Variants in WASHC2C observed in about 807,000 individuals in gnomAD.
WASHC2C encodes Vaccinia Penetration Factor.
Under a neutral mutation model 142.2 loss-of-function variants are expected in WASHC2C, and 73 were observed. The observed-to-expected ratio is 0.51, with a 90% CI of 0.43 to 0.62. The LOEUF (loss-of-function observed/expected upper bound fraction) is 0.62, where lower values mean the gene tolerates loss of function less well. WASHC2C is among the 20% of genes least tolerant of loss of function. The pLI, the probability that WASHC2C is intolerant of heterozygous loss-of-function variation, is 0.00. For missense variants in WASHC2C, 969 were observed against 1,531.7 expected, an observed-to-expected ratio of 0.63 and a Z score of 6.13; for synonymous variants, 337 against 565.5, an observed-to-expected ratio of 0.60 and a Z score of 5.73.
Position 45,749,539 on chromosome 10 carries a change from T to C in WASHC2C, c.733-557T>C, listed in dbSNP as rs1409122500. 2.0e-5 allele frequency among the ~76,000 whole-genome samples: 3 copies of C among 149,824 alleles called. No individual in the cohort carries two copies. The Admixed American group carries it at 2.0e-4, about 10-fold the overall frequency. ...GTTACATTCTTATAAAGGATACATT[T>C]TTAGGCCGGGCTTGGTGGCTCACGC... On this transcript the variant is annotated intron_variant, in intron 8 of 30. Coordinates refer to ENST00000623400, the MANE Select transcript of WASHC2C (RefSeq NM_001330074.2).
chr10:45,731,059 T>C (rs2050514152), intron 3 of WASHC2C, among the ~76,000 whole-genome samples: 1 of 149,396 alleles, frequency 6.7e-6, no homozygotes. Flanking sequence ...TTTCTCCAGC[T>C]CTTTTCTAGC....
chr10:45,765,854 G>A (rs1554882157), intron 19 of WASHC2C, 44 bp downstream of exon 19: 2 of 1,610,322 alleles, frequency 1.2e-6, no homozygotes, highest in East Asian at 2.2e-5. Flanking sequence ...TATTTCATGG[G>A]ATTTAAGAGT....
Position 45,751,952 on chromosome 10 carries a change from G to C in WASHC2C, c.1003+399G>C, listed in dbSNP as rs1359541830. The stretch of plus-strand genomic sequence containing the variant: ...TGATCGCGCCACTGCATTCCAGCCC[G>C]GGTGATGGTGCGAGACTCCATCCCA... On this transcript the variant is annotated intron_variant, in intron 11 of 30. Transcript: ENST00000623400. Among the ~76,000 whole-genome samples the C allele has an allele frequency of 1.0e-3, 134 of 133,278 alleles. 1 individual carries two copies. Among genetic ancestry groups the C allele is most frequent in the African/African-American group, 3.5e-3 (126 of 35,596 alleles). The allele number at this position is 133,278 out of a possible 152,430, so 87.4% of individuals were successfully genotyped here.
chr10:45,767,447 A>T (rs1390231207), intron 19 of WASHC2C, among the ~76,000 whole-genome samples: 2 of 152,274 alleles, frequency 1.3e-5, no homozygotes, highest in Admixed American at 6.5e-5. Flanking sequence ...TTTCTACTCA[A>T]ATGTATGAAT....
chr10:45,731,581 G>C (rs1366514146), intron 3 of WASHC2C, among the ~76,000 whole-genome samples: 1 of 149,538 alleles, frequency 6.7e-6, no homozygotes, highest in Non-Finnish European at 1.5e-5. Context: ...AAGTCTTGAT[G>C]CCCCTTCGCC....
Position 45,750,105 on chromosome 10 carries a change from C to A in WASHC2C, c.742C>A (p.Gln248Lys). The change falls in exon 9 of 31, where the codon CAA becomes AAA. Residue 248 changes from glutamine (Q) to lysine (K), a missense_variant. Physicochemically the swap from Gln to Lys is moderately conservative, Grantham distance 53. Transcript: ENST00000623400. ...TATTTTATACTCTTAGCACACCACA[C>A]AAATGAGTGATGAGGAAGAGGATGA... ...SDNEQNQHTTQMSDEEEDDDG... is the reference protein window; with the variant it reads ...SDNEQNQHTTKMSDEEEDDDG... 6.2e-7 allele frequency: 1 copy of A among 1,610,198 alleles called. No individual in the cohort carries two copies. The highest frequency in any genetic ancestry group is 8.5e-7 in the Non-Finnish European group (1 of 1,179,436).
chr10:45,732,665 A>G (rs2050742439), intron 3 of WASHC2C, among the ~76,000 whole-genome samples: 2 of 152,232 alleles, frequency 1.3e-5, no homozygotes, highest in South Asian at 4.1e-4. Context: ...GTGAAAAGCC[A>G]GACCTTGGCA....
Position 45,727,273 on chromosome 10 carries a change from G to T in WASHC2C, c.-45G>T, listed in dbSNP as rs754295913. On this transcript the variant is annotated 5_prime_UTR_variant, in exon 1 of 31. Coordinates refer to ENST00000623400, the MANE Select transcript of WASHC2C (RefSeq NM_001330074.2). Reference sequence around the variant, plus strand: ...AGGCTTCCGGGGCTCTGCGGTCCTCGGCCTGTGCTGGCAGCCTCGGAGCCC... The same window carrying T: ...AGGCTTCCGGGGCTCTGCGGTCCTCTGCCTGTGCTGGCAGCCTCGGAGCCC... 1.3e-6 allele frequency: 2 copies of T among 1,546,730 alleles called. No individual in the cohort carries two copies. The highest frequency in any genetic ancestry group is 1.7e-6 in the Non-Finnish European group (2 of 1,147,166).
chr10:45,782,402 C>A, intron 23 of WASHC2C, among the ~76,000 whole-genome samples: 1 of 141,256 alleles, frequency 7.1e-6, no homozygotes. Context: ...ACCACAGTGA[C>A]ATACCACTTC....
chr10:45,753,015 AGGGTCTGATTTT>A (rs1196597898), intron 12 of WASHC2C, among the ~76,000 whole-genome samples, 153 bp from the exon 13 acceptor site: 2 of 101,594 alleles, frequency 2.0e-5, no homozygotes, highest in Non-Finnish European at 3.8e-5. Flanking sequence ...AAATTATTTT[AGGGTCTGATTTT>A]GCCATAGTTA....
At position 45,774,847 on chromosome 10, in the gene WASHC2C, G is replaced by A. The variant is rs1204551587; in HGVS notation, c.2142+1489G>A. On this transcript the variant is annotated intron_variant, in intron 21 of 30. Coordinates refer to ENST00000623400, the MANE Select transcript of WASHC2C (RefSeq NM_001330074.2). Reference sequence around the variant, plus strand: ...TGGGAAAAGGGGGCAGTGAAGCAACGGTGACTTTCTTAATTCAGATTGGTG... The same window carrying A: ...TGGGAAAAGGGGGCAGTGAAGCAACAGTGACTTTCTTAATTCAGATTGGTG... 7.3e-5 allele frequency among the ~76,000 whole-genome samples: 10 copies of A among 137,638 alleles called. 2 individuals carry two copies. The highest frequency in any genetic ancestry group is 2.4e-4 in the African/African-American group (9 of 37,334). The allele number at this position is 137,638 out of a possible 152,430, so 90.3% of individuals were successfully genotyped here. A position where few individuals can be genotyped will look rare whatever the true frequency, so the allele number is the denominator to read the frequency against.
chr10:45,730,911 G>A (rs571440534), intron 3 of WASHC2C, among the ~76,000 whole-genome samples: 200 of 151,684 alleles, frequency 1.3e-3, no homozygotes, highest in Middle Eastern at 3.4e-3. Context: ...GAGCCACGGC[G>A]CCCGGCAAGG....
At position 45,750,831 on chromosome 10, in the gene WASHC2C, G is replaced by T. The variant is rs201380323; in HGVS notation, c.924G>T (p.Glu308Asp). The T allele has an allele frequency of 1.2e-3, 1,795 of 1,548,268 alleles. 54 individuals carry two copies. In the African/African-American group the frequency reaches 0.015, roughly 13 times the overall value. ...KGDAMGRVDE[E>D]PTTLPSGEAK... ...ATGCCATGGGTCGAGTGGACGAGGA[G>T]CCGACAAGTGAGCCCCAGCCACGTT... The change falls in exon 10 of 31, where the codon GAG (glutamate) becomes GAT (aspartate). Residue 308 changes from glutamate (E) to aspartate (D), a missense_variant. Coordinates refer to ENST00000623400, the MANE Select transcript of WASHC2C (RefSeq NM_001330074.2).
chr10:45,751,665 T>C (rs2053604364), intron 11 of WASHC2C, 112 bp downstream of exon 11: 1 of 1,375,516 alleles, frequency 7.3e-7, no homozygotes, highest in Admixed American at 2.2e-5. Flanking sequence ...GACAAATGGG[T>C]CTGTCTCCAT....
At chr10:45,740,975 G>GT (rs2051959774) in intron 5 of WASHC2C, among the ~76,000 whole-genome samples, 1 of 151,278 alleles carries the variant, frequency 6.6e-6, no homozygotes, top group Non-Finnish European at 1.5e-5. Context: ...TTGAGACGGA[G>GT]TTTCACTCTG....
At chr10:45,746,426 T>A (rs1283347948) in intron 7 of WASHC2C, among the ~76,000 whole-genome samples, 174 bp from the exon 8 acceptor site, 2 of 152,254 alleles carry the variant, frequency 1.3e-5, no homozygotes, top group African/African-American at 4.8e-5. Context: ...GCTACCCAGC[T>A]TATCTGCACC....
chr10:45,786,916 C>A lies in WASHC2C; in HGVS notation c.2875-119C>A, dbSNP rs1472498450. ...GAGACTAGATTGGGCGATTTTCCTACGTTTCTCTACTCCTCTCGTATTATA... is the reference window on the plus strand; with the variant it reads ...GAGACTAGATTGGGCGATTTTCCTAAGTTTCTCTACTCCTCTCGTATTATA... On this transcript the variant is annotated intron_variant, in intron 27 of 30. Transcript: ENST00000623400. The A allele has an allele frequency of 6.2e-5, 100 of 1,608,208 alleles. 1 individual carries two copies. The South Asian group carries it at 9.6e-4, about 15-fold the overall frequency.
At chr10:45,771,357 T>C in intron 20 of WASHC2C, among the ~76,000 whole-genome samples, 3 of 109,188 alleles carry the variant, frequency 2.7e-5, no homozygotes, top group African/African-American at 3.9e-5. Context: ...AGAGAGAGAC[T>C]CCATCTCAAA....
intron 28 of WASHC2C, among the ~76,000 whole-genome samples, chr10:45,787,501 G>T (rs1433629941): frequency 2.7e-5 from 4 of 148,404 alleles, no homozygotes; most frequent in Admixed American, 2.0e-4. Context: ...TTTGGCTGGT[G>T]TCTGACACCT....
Sources: allele counts gnomAD v4.1 joint callset (sites outside exome capture counted in the v4.1 genomes callset), GRCh38; gene constraint gnomAD v4.1.1; transcripts MANE v1.5; gene names NCBI Gene and HGNC (gene_info 2026-07-23, HGNC 2026-07-21).